The following ASTN1 variants were observed in gnomAD, a reference collection of about 807,000 sequenced individuals.
ASTN1 encodes the protein astrotactin-1.
ASTN1 carries 41 observed loss-of-function variants against 140.7 expected under a neutral mutation model. That is an observed-to-expected ratio of 0.29 (90% CI 0.23 to 0.38). The LOEUF is 0.38. Among genes scored for constraint, ASTN1 ranks in the 10% least tolerant of loss-of-function variants. The pLI is 1.00. For synonymous variants in ASTN1, 640 were observed against 652.2 expected (o/e 0.98, Z 0.29); for missense variants, 1,479 against 1,678.8 (o/e 0.88, Z 2.08).
intron 14 of ASTN1, among the ~76,000 whole-genome samples, chr1:176,938,107 T>C (rs943489706): frequency 2.0e-5 from 3 of 152,230 alleles, no homozygotes; most frequent in Non-Finnish European, 4.4e-5. Context: ...GTTTTTAGTA[T>C]TCTTTTCTTT....
chr1:176,910,961 C>T (rs1411934110), intron 16 of ASTN1, among the ~76,000 whole-genome samples: 1 of 152,158 alleles, frequency 6.6e-6, no homozygotes, highest in Non-Finnish European at 1.5e-5. Context: ...CAAACCATCC[C>T]CTCTGACCTG....
chr1:177,089,441 G>C (rs1188920646), intron 1 of ASTN1, among the ~76,000 whole-genome samples: 1 of 152,012 alleles, frequency 6.6e-6, no homozygotes, highest in African/African-American at 2.4e-5. Context: ...AATAGAAAAA[G>C]AGAGAGAGAG....
chr1:177,093,204 A>T (rs1245610221), intron 1 of ASTN1, among the ~76,000 whole-genome samples: 1 of 152,192 alleles, frequency 6.6e-6, no homozygotes, highest in African/African-American at 2.4e-5. Context: ...TTCACATTTC[A>T]ACCACATAAT....
intron 1 of ASTN1, among the ~76,000 whole-genome samples, chr1:177,071,464 T>C (rs1337589961): frequency 1.3e-5 from 2 of 152,214 alleles, no homozygotes; most frequent in Non-Finnish European, 2.9e-5. Flanking sequence ...CTAGTCTGTG[T>C]GAGCACCTGT....
downstream of ASTN1, among the ~76,000 whole-genome samples, chr1:176,858,821 G>A (rs180867888): frequency 5.1e-4 from 77 of 152,266 alleles, no homozygotes; most frequent in Admixed American, 1.6e-3. Flanking sequence ...TCAGTGGGAC[G>A]AGTCTTTCCC....
rs567090132 is a variant in ASTN1, at chr1:177,078,223, G to A, written c.284-16958C>T. Among the ~76,000 whole-genome samples, 42 of 152,166 alleles carry A rather than the reference G, an allele frequency of 2.8e-4. 1 individual carries two copies. The highest frequency in any genetic ancestry group is 5.1e-4 in the Non-Finnish European group (35 of 68,010). ...GAATCTCCCAAAGCCCTACCCCAGA[G>A]CCCCAGCTGTCCTGGATCCAGGTCC... On this transcript the variant is annotated intron_variant, in intron 1 of 22. Coordinates refer to ENST00000361833, the MANE Select transcript of ASTN1 (RefSeq NM_004319.3).
At chr1:176,941,836 G>A (rs750980641) in intron 14 of ASTN1, among the ~76,000 whole-genome samples, 6 of 152,222 alleles carry the variant, frequency 3.9e-5, no homozygotes, top group South Asian at 2.1e-4. Context: ...CACCTCGCAC[G>A]TCTTCAAGGC....
chr1:177,145,678 G>C (rs1324599653), intron 1 of ASTN1, among the ~76,000 whole-genome samples: 1 of 152,142 alleles, frequency 6.6e-6, no homozygotes, highest in East Asian at 1.9e-4. Flanking sequence ...CAGTCAGTCT[G>C]TCAGTCAGTC....
chr1:177,154,102 A>G (rs977756791), intron 1 of ASTN1, among the ~76,000 whole-genome samples: 23 of 152,202 alleles, frequency 1.5e-4, no homozygotes, highest in African/African-American at 5.3e-4. Context: ...AGAAATTTTC[A>G]CAAAAGTCCT....
chr1:177,071,703 A>C (rs1332716062), intron 1 of ASTN1, among the ~76,000 whole-genome samples: 1 of 152,182 alleles, frequency 6.6e-6, no homozygotes. Context: ...AGTGGGCATA[A>C]GTGACCTGTA....
At chr1:177,033,532 C>A (rs1676560587) in intron 2 of ASTN1, among the ~76,000 whole-genome samples, 1 of 152,140 alleles carries the variant, frequency 6.6e-6, no homozygotes, top group Non-Finnish European at 1.5e-5. Context: ...CAGGAAAAAC[C>A]ATTGACAAAT....
At chr1:176,953,490 C>T (rs938432846) in intron 11 of ASTN1, among the ~76,000 whole-genome samples, 1 of 152,196 alleles carries the variant, frequency 6.6e-6, no homozygotes, top group Non-Finnish European at 1.5e-5. Context: ...CAGGCTCAAG[C>T]CATGCAGGAC....
intron 8 of ASTN1, among the ~76,000 whole-genome samples, chr1:176,989,133 A>G (rs1674043691): frequency 6.6e-6 from 1 of 152,200 alleles, no homozygotes; most frequent in African/African-American, 2.4e-5. Context: ...ATCTCTATAA[A>G]ATTGGATTCG....
At chr1:177,006,371 C>G (rs947778515) in intron 8 of ASTN1, among the ~76,000 whole-genome samples, 71 of 150,654 alleles carry the variant, frequency 4.7e-4, no homozygotes, top group African/African-American at 1.7e-3. Context: ...TTTCTCTACA[C>G]ATGGGATAAT....
At chr1:176,880,436 G>A (rs1375791467) in intron 20 of ASTN1, among the ~76,000 whole-genome samples, 1 of 152,106 alleles carries the variant, frequency 6.6e-6, no homozygotes, top group South Asian at 2.1e-4. Context: ...CAGCTCTCCT[G>A]TGAGCATGCA....
At chr1:176,985,528 A>G (rs1673850536) in intron 8 of ASTN1, among the ~76,000 whole-genome samples, 1 of 152,134 alleles carries the variant, frequency 6.6e-6, no homozygotes, top group African/African-American at 2.4e-5. Context: ...AGTGGATCAG[A>G]GTGCCTGAAT....
chr1:176,887,097 AT>A (rs1449426192), intron 18 of ASTN1, among the ~76,000 whole-genome samples: 4 of 151,894 alleles, frequency 2.6e-5, no homozygotes, highest in Non-Finnish European at 5.9e-5. Flanking sequence ...AGACTCTCCT[AT>A]TGTTCATCCC....
At chr1:176,901,084 G>A (rs552040109) in intron 16 of ASTN1, among the ~76,000 whole-genome samples, 5 of 152,224 alleles carry the variant, frequency 3.3e-5, no homozygotes, top group South Asian at 2.1e-4. Context: ...GTTTAAATTC[G>A]TCTGGGGCAT....
chr1:176,907,008 T>G (rs938872323), intron 16 of ASTN1, among the ~76,000 whole-genome samples: 2 of 152,196 alleles, frequency 1.3e-5, no homozygotes, highest in Admixed American at 1.3e-4. Flanking sequence ...CAAGTATTCA[T>G]GTAGAAGCAT....
Sources: allele counts gnomAD v4.1 joint callset (sites outside exome capture counted in the v4.1 genomes callset), GRCh38; gene constraint gnomAD v4.1.1; transcripts MANE v1.5; gene names NCBI Gene and HGNC (gene_info 2026-07-23, HGNC 2026-07-21).